ALDH2: variants seen among roughly 807,000 people sequenced by gnomAD.
ALDH2 encodes the protein aldehyde dehydrogenase, mitochondrial.
A neutral mutation model predicts 59.6 loss-of-function variants in ALDH2; 44 were observed. The observed-to-expected ratio is 0.74, with a 90% CI of 0.58 to 0.95. The LOEUF is 0.95. ALDH2 is among the 40% of genes least tolerant of loss of function. The probability of loss-of-function intolerance (pLI) is 0.00; values close to 1 mark genes in which losing one functional copy is unlikely to be tolerated. For synonymous variants in ALDH2, 291 were observed against 284.0 expected, an observed-to-expected ratio of 1.02 and a Z score of -0.25; for missense variants, 570 against 696.3, an observed-to-expected ratio of 0.82 and a Z score of 2.04.
At chr12:111,804,768 G>T (rs1218959966) in intron 12 of ALDH2, among the ~76,000 whole-genome samples, 1 of 148,152 alleles carries the variant, frequency 6.7e-6, no homozygotes, top group Non-Finnish European at 1.5e-5. Context: ...AAAAAGAAAA[G>T]AAAAAAGAAT....
chr12:111,783,134 C>T lies in ALDH2; in HGVS notation c.220-24C>T, dbSNP rs768421998. On this transcript the variant is annotated intron_variant, in intron 2 of 12. Coordinates refer to ENST00000261733, the MANE Select transcript of ALDH2 (RefSeq NM_000690.4). Reference sequence around the variant, plus strand: ...AGAAGACCTGAGTTTTCCAGGAAGGCTTGAGTTTTCCTGTGTTTTCTAGGA... The same window carrying T: ...AGAAGACCTGAGTTTTCCAGGAAGGTTTGAGTTTTCCTGTGTTTTCTAGGA... The T allele has an allele frequency of 5.0e-6, 8 of 1,598,916 alleles. No homozygotes were observed. The South Asian group carries it at 8.9e-5, about 18-fold the overall frequency.
At chr12:111,783,426 GAA>G in intron 3 of ALDH2, 128 bp downstream of exon 3, 2 of 1,219,056 alleles carry the variant, frequency 1.6e-6, no homozygotes, top group Non-Finnish European at 2.2e-6. Context: ...GGACTGATGG[GAA>G]TGGCATAGGA....
chr12:111,772,949 A>C (rs945803358), intron 1 of ALDH2, among the ~76,000 whole-genome samples: 4 of 151,038 alleles, frequency 2.6e-5, no homozygotes, highest in South Asian at 2.1e-4. Flanking sequence ...TCTCAAAAAA[A>C]AAAAACAAAA....
In ALDH2 at chr12:111,815,255, G is replaced by A. The variant is rs2068562653; in HGVS notation, c.*5680G>A. 1 of 152,114 alleles carries A rather than the reference G, an allele frequency of 6.6e-6. No homozygotes were observed. The highest frequency in any genetic ancestry group is 1.5e-5 in the Non-Finnish European group (1 of 68,022). 9.4% of individuals were successfully genotyped at this position (152,114 alleles called of 1,614,324 possible). ...TGACAGGGTCTAACTCCGTCGTCCA[G>A]GCTGGAGTGCAGTGGTGCGATCATA... On this transcript the variant is annotated 3_prime_UTR_variant, in exon 13 of 13. Transcript: ENST00000261733.
Position 111,766,941 on chromosome 12 carries a change from A to C in ALDH2, c.-42A>C. 1 of 1,490,608 alleles carries C rather than the reference A, an allele frequency of 6.7e-7. No individual in the cohort carries two copies. The highest frequency in any genetic ancestry group is 8.9e-7 in the Non-Finnish European group (1 of 1,119,454). 92.3% of individuals were successfully genotyped at this position (1,490,608 alleles called of 1,614,324 possible). A position where few individuals can be genotyped will look rare whatever the true frequency, so the allele number is the denominator to read the frequency against. ...GTCGGCTCAGTGGCCCTGAGACCCT[A>C]GCTCTGCTCTCGGTCCGCTCGCTGT... On this transcript the variant is annotated 5_prime_UTR_variant, in exon 1 of 13. Coordinates refer to ENST00000261733, the MANE Select transcript of ALDH2 (RefSeq NM_000690.4).
At position 111,814,370 on chromosome 12, in the gene ALDH2, T is replaced by G. The variant is rs2068557154; in HGVS notation, c.*4795T>G. 1 of 146,670 alleles carries G rather than the reference T, an allele frequency of 6.8e-6. No homozygotes were observed. Among genetic ancestry groups the G allele is most frequent in the South Asian group, 2.2e-4 (1 of 4,588 alleles). The allele number at this position is 146,670 out of a possible 1,614,324, so 9.1% of individuals were successfully genotyped here. On this transcript the variant is annotated 3_prime_UTR_variant, in exon 13 of 13. Coordinates refer to ENST00000261733, the MANE Select transcript of ALDH2 (RefSeq NM_000690.4). ...TCCAAAAAAAAAAAAAGAAACCCCATCTCTACCCAAAATACAAAAATTAGC... is the reference window on the plus strand; with the variant it reads ...TCCAAAAAAAAAAAAAGAAACCCCAGCTCTACCCAAAATACAAAAATTAGC...
At chr12:111,776,337 A>G (rs917467639) in intron 1 of ALDH2, among the ~76,000 whole-genome samples, 1 of 152,202 alleles carries the variant, frequency 6.6e-6, no homozygotes, top group Non-Finnish European at 1.5e-5. Flanking sequence ...CCTGCGGGCA[A>G]GGTCCTAGCT....
At chr12:111,787,670 T>G (rs956716460) in intron 4 of ALDH2, among the ~76,000 whole-genome samples, 20 of 151,934 alleles carry the variant, frequency 1.3e-4, no homozygotes, top group Non-Finnish European at 2.1e-4. Flanking sequence ...CCGAGCTGGG[T>G]GGATCACCTG....
Position 111,789,517 on chromosome 12 carries a change from A to C in ALDH2, c.441-306A>C, listed in dbSNP as rs551307398. On this transcript the variant is annotated intron_variant, in intron 4 of 12. Coordinates refer to ENST00000261733, the MANE Select transcript of ALDH2 (RefSeq NM_000690.4). ...AAAAAAAAAAAAAGAAAAGAAAAGA[A>C]AGAAAAAAAAAAAATCTAATTCCTG... Among the ~76,000 whole-genome samples, 9 of 151,930 alleles carry C rather than the reference A, an allele frequency of 5.9e-5. No individual in the cohort carries two copies. In the South Asian group the frequency reaches 1.9e-3, roughly 32 times the overall value.
In ALDH2 at chr12:111,792,242, C is replaced by T. The variant is rs1028906567; in HGVS notation, c.898+79C>T. 20 of 1,108,834 alleles carry T rather than the reference C, an allele frequency of 1.8e-5. No individual in the cohort carries two copies. The African/African-American group carries it at 2.2e-4, about 12-fold the overall frequency. The allele number at this position is 1,108,834 out of a possible 1,614,324, so 68.7% of individuals were successfully genotyped here. A position where few individuals can be genotyped will look rare whatever the true frequency, so the allele number is the denominator to read the frequency against. ...GTTGTGGCTCCAGCCGATCCTGTCG[C>T]CCCCCCAGTGCCCAATGGCGTTGGT... On this transcript the variant is annotated intron_variant, in intron 8 of 12. Transcript: ENST00000261733.
intron 12 of ALDH2, 86 bp downstream of exon 12, chr12:111,804,059 C>T (rs2068474442): frequency 1.2e-6 from 1 of 853,582 alleles, no homozygotes; most frequent in Non-Finnish European, 1.7e-6. Flanking sequence ...GGATTGGGGT[C>T]TGTTGGGGGC....
intron 6 of ALDH2, among the ~76,000 whole-genome samples, chr12:111,790,888 C>T (rs1373214726): frequency 6.6e-6 from 1 of 152,098 alleles, no homozygotes; most frequent in Admixed American, 6.6e-5. Flanking sequence ...GACCCCATCT[C>T]TACAAAAAAT....
At chr12:111,808,179 C>T (rs1648555600) in intron 12 of ALDH2, among the ~76,000 whole-genome samples, 1 of 151,914 alleles carries the variant, frequency 6.6e-6, no homozygotes, top group Admixed American at 6.6e-5. Flanking sequence ...CTGGCCCACT[C>T]AATTTGTATT....
At chr12:111,790,177 T>A (rs2068346255) in intron 5 of ALDH2, among the ~76,000 whole-genome samples, 1 of 152,192 alleles carries the variant, frequency 6.6e-6, no homozygotes, top group Non-Finnish European at 1.5e-5. Flanking sequence ...ATGAACATAG[T>A]GCCTGTCTTA....
At chr12:111,808,095 G>A (rs1005969282) in intron 12 of ALDH2, among the ~76,000 whole-genome samples, 1 of 151,944 alleles carries the variant, frequency 6.6e-6, no homozygotes, top group Non-Finnish European at 1.5e-5. Context: ...GGCTGATCTC[G>A]AACTCCTGGC....
At chr12:111,780,518 G>A (rs990516693) in intron 1 of ALDH2, among the ~76,000 whole-genome samples, 2 of 152,010 alleles carry the variant, frequency 1.3e-5, no homozygotes, top group Admixed American at 6.6e-5. Context: ...CTGGTCCTCC[G>A]GCTCTTCCTG....
intron 3 of ALDH2, among the ~76,000 whole-genome samples, chr12:111,784,984 C>T (rs4648328): frequency 0.18 from 26,931 of 152,134 alleles, 2,478 homozygotes; most frequent in Middle Eastern, 0.26. Flanking sequence ...TCTATCCCAG[C>T]ACCTGGATAT....
intron 4 of ALDH2, among the ~76,000 whole-genome samples, chr12:111,786,859 T>C (rs1024075890): frequency 1.3e-5 from 2 of 152,024 alleles, no homozygotes; most frequent in Admixed American, 6.6e-5. Flanking sequence ...CATAAACATT[T>C]CAATGACCAA....
At chr12:111,800,763 C>A (rs1242926099) in intron 11 of ALDH2, among the ~76,000 whole-genome samples, 1 of 152,080 alleles carries the variant, frequency 6.6e-6, no homozygotes, top group African/African-American at 2.4e-5. Flanking sequence ...AATTTGGGAG[C>A]TCCTCAAAAA....
Sources: gnomAD v4.1 joint callset for allele counts (sites outside exome capture counted in the v4.1 genomes callset) on GRCh38, gnomAD v4.1.1 for gene constraint, MANE v1.5 for transcripts, NCBI Gene and HGNC (gene_info 2026-07-23, HGNC 2026-07-21) for gene names.